Variants in RBFOX1 observed in about 807,000 individuals in gnomAD.
RBFOX1 encodes the protein RNA binding protein fox-1 homolog 1.
Under a neutral mutation model 57.7 loss-of-function variants are expected in RBFOX1, and 8 were observed. The observed-to-expected ratio is 0.14, with a 90% CI of 0.08 to 0.25. The LOEUF (loss-of-function observed/expected upper bound fraction) is 0.25, where lower values mean the gene tolerates loss of function less well. RBFOX1 is among the 10% of genes least tolerant of loss of function. RBFOX1 has a pLI of 1.00. For missense variants in RBFOX1, 611 were observed against 548.5 expected, an observed-to-expected ratio of 1.11 and a Z score of -1.14; for synonymous variants, 326 against 222.4, an observed-to-expected ratio of 1.47 and a Z score of -4.15.
chr16:6,232,894 G>T (rs970070981), intron 1 of RBFOX1, among the ~76,000 whole-genome samples: 1 of 152,152 alleles, frequency 6.6e-6, no homozygotes, highest in African/African-American at 2.4e-5. Context: ...CACATGTCCA[G>T]TCTCTTCTGT....
At chr16:5,825,292 T>C (rs1376826538) in intron 3 of RBFOX1, among the ~76,000 whole-genome samples, 1 of 152,236 alleles carries the variant, frequency 6.6e-6, no homozygotes, top group Non-Finnish European at 1.5e-5. Context: ...GGTTCAGAGA[T>C]GTTCCCTGCC....
chr16:7,090,951 T>G (rs1424688609), intron 4 of RBFOX1, among the ~76,000 whole-genome samples: 1 of 152,132 alleles, frequency 6.6e-6, no homozygotes, highest in Non-Finnish European at 1.5e-5. Context: ...GGATTAGAGG[T>G]TCTTTGGAAT....
At chr16:6,023,788 C>A (rs544045797) in intron 1 of RBFOX1, among the ~76,000 whole-genome samples, 2 of 152,292 alleles carry the variant, frequency 1.3e-5, no homozygotes, top group East Asian at 3.9e-4. Context: ...CCCACAGTGT[C>A]GTGCCGGAGA....
intron 1 of RBFOX1, among the ~76,000 whole-genome samples, chr16:5,321,603 C>T (rs916348933): frequency 1.3e-5 from 2 of 152,116 alleles, no homozygotes; most frequent in Non-Finnish European, 2.9e-5. Context: ...AGGCGTGAGC[C>T]ACAGCGCCTG....
chr16:6,554,905 G>A (rs2097069150), intron 2 of RBFOX1, among the ~76,000 whole-genome samples: 2 of 152,160 alleles, frequency 1.3e-5, no homozygotes, highest in Non-Finnish European at 2.9e-5. Context: ...AAGAAGCCCA[G>A]AGTATGCTTT....
intron 4 of RBFOX1, among the ~76,000 whole-genome samples, chr16:7,080,202 T>C (rs1270610373): frequency 6.6e-6 from 1 of 151,896 alleles, no homozygotes; most frequent in African/African-American, 2.4e-5. Flanking sequence ...CCATTTGTTT[T>C]TGGGAGTCAC....
chr16:6,409,591 C>A (rs761652316), intron 2 of RBFOX1, among the ~76,000 whole-genome samples: 3 of 151,914 alleles, frequency 2.0e-5, no homozygotes, highest in Non-Finnish European at 4.4e-5. Flanking sequence ...TAAGCTAAGA[C>A]ACATGATTTA....
chr16:7,169,576 C>G (rs2080266126), intron 4 of RBFOX1, among the ~76,000 whole-genome samples: 1 of 152,182 alleles, frequency 6.6e-6, no homozygotes, highest in Non-Finnish European at 1.5e-5. Context: ...TTAATTGCAT[C>G]TTCAACACAT....
intron 2 of RBFOX1, among the ~76,000 whole-genome samples, chr16:5,567,611 G>C (rs1194570909): frequency 6.9e-6 from 1 of 145,450 alleles, no homozygotes; most frequent in African/African-American, 2.6e-5. Flanking sequence ...TTAAACCATA[G>C]TGGGGGGGTA....
intron 3 of RBFOX1, among the ~76,000 whole-genome samples, chr16:5,856,187 C>CTCTCTCTCTCTCTA (rs1430331422): frequency 3.2e-5 from 1 of 31,068 alleles, no homozygotes; most frequent in African/African-American, 1.4e-4. Flanking sequence ...CTCTCTCTCT[C>CTCTCTCTCTCTCTA]TATATATATA....
intron 3 of RBFOX1, among the ~76,000 whole-genome samples, chr16:7,004,907 T>C (rs1014818060): frequency 2.0e-5 from 3 of 152,098 alleles, no homozygotes; most frequent in Admixed American, 6.5e-5. Context: ...TCCAGGACTT[T>C]GTAAGGTGGG....
rs193009803 is a variant in RBFOX1 at position 6,744,410 on chromosome 16, A to C, written c.-16+89760A>C. 3.3e-5 allele frequency among the ~76,000 whole-genome samples: 5 copies of C among 152,276 alleles called. 1 individual carries two copies. Among genetic ancestry groups the C allele is most frequent in the Middle Eastern group, 3.4e-3 (1 of 292 alleles). ...AGCAGGATACATATTGTTTTCAAGT[A>C]CATAAGGAAATGTTTTCAAGAAAAG... On this transcript the variant is annotated intron_variant, in intron 3 of 15. Coordinates refer to ENST00000550418, the MANE Select transcript of RBFOX1 (RefSeq NM_018723.4).
At chr16:5,673,899 CT>C (rs2050089187) in intron 3 of RBFOX1, among the ~76,000 whole-genome samples, 1 of 152,234 alleles carries the variant, frequency 6.6e-6, no homozygotes, top group Non-Finnish European at 1.5e-5. Flanking sequence ...CAGCTTTTCT[CT>C]TCTGCATCAA....
chr16:6,622,192 C>G (rs17140793), intron 2 of RBFOX1, among the ~76,000 whole-genome samples: 8 of 152,278 alleles, frequency 5.3e-5, no homozygotes, highest in African/African-American at 1.7e-4. Context: ...TTGCTACATT[C>G]TTGGCAGGTT....
At chr16:6,711,243 A>G (rs549537479) in intron 3 of RBFOX1, among the ~76,000 whole-genome samples, 1 of 151,956 alleles carries the variant, frequency 6.6e-6, no homozygotes, top group East Asian at 1.9e-4. Context: ...TCCTCCTCCT[A>G]ACTCTGCTTT....
chr16:5,447,668 T>G (rs2068290816), intron 1 of RBFOX1, among the ~76,000 whole-genome samples: 1 of 152,206 alleles, frequency 6.6e-6, no homozygotes, highest in African/African-American at 2.4e-5. Context: ...AGTGCTGGGA[T>G]TACTGGCATG....
chr16:6,055,646 T>C (rs2095606189), intron 1 of RBFOX1, among the ~76,000 whole-genome samples: 1 of 145,496 alleles, frequency 6.9e-6, no homozygotes, highest in Admixed American at 6.9e-5. Context: ...CAGTTCCTAC[T>C]CTCATGGAAG....
chr16:7,071,697 C>G (rs898962796), intron 4 of RBFOX1, among the ~76,000 whole-genome samples: 1 of 151,776 alleles, frequency 6.6e-6, no homozygotes, highest in East Asian at 1.9e-4. Context: ...TATTGAAATA[C>G]TACCTGAATT....
chr16:5,462,131 A>G (rs1015964423), intron 1 of RBFOX1, among the ~76,000 whole-genome samples: 1 of 151,536 alleles, frequency 6.6e-6, no homozygotes, highest in African/African-American at 2.4e-5. Context: ...CCCATGAGCA[A>G]GCATAAAAGA....
Sources: gnomAD v4.1 joint callset for allele counts (sites outside exome capture counted in the v4.1 genomes callset) on GRCh38, gnomAD v4.1.1 for gene constraint, MANE v1.5 for transcripts, NCBI Gene and HGNC (gene_info 2026-07-23, HGNC 2026-07-21) for gene names.